Variants in PCDHGB1 observed in about 807,000 individuals in gnomAD.
PCDHGB1 encodes the protein protocadherin gamma subfamily B, 1, also known as protocadherin gamma-B1.
A neutral mutation model predicts 56.6 loss-of-function variants in PCDHGB1; 34 were observed. That is an observed-to-expected ratio of 0.60 (90% CI 0.46 to 0.80). PCDHGB1 has a LOEUF of 0.80. PCDHGB1 is among the 30% of genes least tolerant of loss of function. The pLI, the probability that PCDHGB1 is intolerant of heterozygous loss-of-function variation, is 0.00. For synonymous variants in PCDHGB1, 561 were observed against 505.9 expected, an observed-to-expected ratio of 1.11 and a Z score of -1.46; for missense variants, 1,278 against 1,204.6, an observed-to-expected ratio of 1.06 and a Z score of -0.90.
At chr5:141,365,482 C>T (rs1158935683) in intron 1 of PCDHGB1, 2 of 1,613,836 alleles carry the variant, frequency 1.2e-6, no homozygotes, top group Non-Finnish European at 1.7e-6. Context: ...AGATTGCATG[C>T]TCTATTCCTA....
chr5:141,457,441 G>A (rs941085406), intron 1 of PCDHGB1, among the ~76,000 whole-genome samples: 1 of 152,134 alleles, frequency 6.6e-6, no homozygotes, highest in African/African-American at 2.4e-5. Flanking sequence ...CCAAGCTGCA[G>A]AAGATCACCA....
Position 141,487,928 on chromosome 5 carries a change from A to G in PCDHGB1, c.2410-6879A>G. Reference sequence around the variant, plus strand: ...GGGAGCACAGGAGGCTACAGTGCACAGGGTACAGTGCACCAGGCAGTCACT... The same window carrying G: ...GGGAGCACAGGAGGCTACAGTGCACGGGGTACAGTGCACCAGGCAGTCACT... On this transcript the variant is annotated intron_variant, in intron 1 of 3. Transcript: ENST00000523390. The surrounding 1 kb of genome is among the most constrained non-coding windows in gnomAD (Gnocchi z 5.0). The G allele has an allele frequency of 3.2e-6, 2 of 620,886 alleles. No homozygotes were observed. The highest frequency in any genetic ancestry group is 5.6e-6 in the Non-Finnish European group (2 of 355,916). The allele number at this position is 620,886 out of a possible 1,614,324, so 38.5% of individuals were successfully genotyped here. A position where few individuals can be genotyped will look rare whatever the true frequency, so the allele number is the denominator to read the frequency against.
intron 1 of PCDHGB1, among the ~76,000 whole-genome samples, chr5:141,453,076 G>A (rs2098755408): frequency 1.3e-5 from 2 of 151,984 alleles, no homozygotes; most frequent in Admixed American, 6.6e-5. Flanking sequence ...CCACACTCTG[G>A]TTGATTAGTA....
chr5:141,398,945 T>G, intron 1 of PCDHGB1: 3 of 1,613,974 alleles, frequency 1.9e-6, no homozygotes, highest in Non-Finnish European at 2.5e-6. Context: ...GACGAGGGCA[T>G]CAACTCAGAA....
At chr5:141,375,418 C>G in intron 1 of PCDHGB1, 1 of 1,613,972 alleles carries the variant, frequency 6.2e-7, no homozygotes, top group Non-Finnish European at 8.5e-7. Context: ...TGGCAGACAC[C>G]AACGACAACC....
intron 1 of PCDHGB1, chr5:141,371,970 C>T: frequency 6.2e-7 from 1 of 1,613,250 alleles, no homozygotes; most frequent in East Asian, 2.2e-5. Context: ...CGAGCAGCTG[C>T]GTGCCTTCGA....
chr5:141,468,832 C>G (rs530307522), intron 1 of PCDHGB1, among the ~76,000 whole-genome samples: 1 of 152,164 alleles, frequency 6.6e-6, no homozygotes, highest in South Asian at 2.1e-4. Flanking sequence ...AGCCACTGCA[C>G]TCCAGCCTGG....
chr5:141,350,837 C>A lies in PCDHGB1; in HGVS notation c.577C>A (p.Leu193Met). Residue 193 changes from leucine (L) to methionine (M), a missense_variant, in exon 1 of 4, where the codon CTG (leucine) becomes ATG (methionine). Physicochemically the swap from Leu to Met is conservative, Grantham distance 15 (BLOSUM62 2). Coordinates refer to ENST00000523390, the MANE Select transcript of PCDHGB1 (RefSeq NM_018922.3). ...TGGAAGTAAATATCCGGTATTACTGCTGGAAAAACCTCTAGACAGGGAACA... is the reference window on the plus strand; with the variant it reads ...TGGAAGTAAATATCCGGTATTACTGATGGAAAAACCTCTAGACAGGGAACA... ...PDGSKYPVLL[L>M]EKPLDREHQS... The A allele has an allele frequency of 6.2e-7, 1 of 1,614,044 alleles. No individual in the cohort carries two copies. Among genetic ancestry groups the A allele is most frequent in the African/African-American group, 1.3e-5 (1 of 75,068 alleles).
At chr5:141,444,115 AG>A (rs1206374963) in intron 1 of PCDHGB1, among the ~76,000 whole-genome samples, 3 of 147,326 alleles carry the variant, frequency 2.0e-5, no homozygotes, top group Admixed American at 2.0e-4. Context: ...AGAAAAGTGA[AG>A]TATCTCAACA....
chr5:141,458,496 A>T (rs905073741), intron 1 of PCDHGB1, among the ~76,000 whole-genome samples: 1 of 151,694 alleles, frequency 6.6e-6, no homozygotes, highest in Non-Finnish European at 1.5e-5. Flanking sequence ...CTGCCTGTAC[A>T]TACTGTTTGA....
chr5:141,359,856 A>C (rs1055838573), intron 1 of PCDHGB1, among the ~76,000 whole-genome samples: 7 of 152,188 alleles, frequency 4.6e-5, no homozygotes, highest in Admixed American at 2.0e-4. Context: ...TTTATAAATT[A>C]AAAAAGAAAA....
Position 141,350,461 on chromosome 5 carries a change from T to C in PCDHGB1, c.201T>C (p.Ser67=), listed in dbSNP as rs1425532527. 3.1e-6 allele frequency: 5 copies of C among 1,613,762 alleles called. No homozygotes were observed. Among genetic ancestry groups the C allele is most frequent in the Non-Finnish European group, 4.2e-6 (5 of 1,179,822 alleles). The change falls in exon 1 of 4, where the codon AGT becomes AGC. Residue 67 remains serine, a synonymous_variant. Coordinates refer to ENST00000523390, the MANE Select transcript of PCDHGB1 (RefSeq NM_018922.3). Reference sequence around the variant, plus strand: ...TGCCAACTCGAAAACTGCGGGTTAGTGCAGAGGATTATTTCAACGTTAGTT... The same window carrying C: ...TGCCAACTCGAAAACTGCGGGTTAGCGCAGAGGATTATTTCAACGTTAGTT... The part of the protein sequence containing the change: ...RELPTRKLRV[S]AEDYFNVSLE...
intron 1 of PCDHGB1, among the ~76,000 whole-genome samples, chr5:141,474,703 C>G (rs2099353282): frequency 6.6e-6 from 1 of 152,188 alleles, no homozygotes; most frequent in Admixed American, 6.5e-5. Flanking sequence ...GTTCAAGGTT[C>G]TATTATACTT....
At chr5:141,410,319 C>A in intron 1 of PCDHGB1, 2 of 1,614,018 alleles carry the variant, frequency 1.2e-6, no homozygotes, top group Admixed American at 1.7e-5. Flanking sequence ...TTCCTCCTCG[C>A]CGTGATTCTG....
intron 1 of PCDHGB1, among the ~76,000 whole-genome samples, chr5:141,456,702 C>A (rs1185842343): frequency 6.6e-6 from 1 of 152,062 alleles, no homozygotes; most frequent in African/African-American, 2.4e-5. Flanking sequence ...TGGTGGCTCG[C>A]GCCTGTAATC....
chr5:141,384,386 T>A (rs1208791457), intron 1 of PCDHGB1: 1 of 1,613,954 alleles, frequency 6.2e-7, no homozygotes, highest in South Asian at 1.1e-5. Flanking sequence ...GAAGACACCA[T>A]CCAGGGGGCT....
chr5:141,385,418 A>T (rs1317845643), intron 1 of PCDHGB1: 10 of 1,466,496 alleles, frequency 6.8e-6, no homozygotes, highest in Non-Finnish European at 8.1e-6. Context: ...ATAGGGATTT[A>T]AAAAACTTTA....
rs543209695 is a variant in PCDHGB1, at chr5:141,431,563, C to A, written c.2410-63244C>A. The stretch of plus-strand genomic sequence containing the variant: ...AGCTGCTTGTAGTCAACGCTACCGA[C>A]CCTGACGAAGGAGTCAATGCGGAAG... On this transcript the variant is annotated intron_variant, in intron 1 of 3. Coordinates refer to ENST00000523390, the MANE Select transcript of PCDHGB1 (RefSeq NM_018922.3). The surrounding 1 kb of genome is among the most constrained non-coding windows in gnomAD (Gnocchi z 4.8). 1.2e-6 allele frequency: 2 copies of A among 1,614,144 alleles called. No individual in the cohort carries two copies. The highest frequency in any genetic ancestry group is 2.7e-5 in the African/African-American group (2 of 75,072).
chr5:141,355,881 G>A (rs1338727421), intron 1 of PCDHGB1: 1 of 1,613,360 alleles, frequency 6.2e-7, no homozygotes, highest in East Asian at 2.2e-5. Context: ...GCACTGCCAG[G>A]ATTCTCATAA....
Sources: allele counts gnomAD v4.1 joint callset (sites outside exome capture counted in the v4.1 genomes callset), GRCh38; gene constraint gnomAD v4.1.1; non-coding constraint Gnocchi (gnomAD v3.1); transcripts MANE v1.5; gene names NCBI Gene and HGNC (gene_info 2026-07-23, HGNC 2026-07-21).